RABGEF1: variants seen among roughly 807,000 people sequenced by gnomAD.
The protein encoded by RABGEF1 is rab5 GDP/GTP exchange factor.
A neutral mutation model predicts 57.3 loss-of-function variants in RABGEF1; 26 were observed. The observed-to-expected ratio is 0.45, with a 90% confidence interval of 0.33 to 0.63. The LOEUF is 0.63. RABGEF1 is among the 20% of genes least tolerant of loss of function. The probability of loss-of-function intolerance (pLI) is 0.02; values close to 1 mark genes in which losing one functional copy is unlikely to be tolerated. For missense variants in RABGEF1, 464 were observed against 607.6 expected (o/e 0.76, Z 2.48); for synonymous variants, 185 against 210.7 (o/e 0.88, Z 1.06).
intron 3 of RABGEF1, among the ~76,000 whole-genome samples, chr7:66,778,038 A>T (rs1808959800): frequency 6.6e-6 from 1 of 152,198 alleles, no homozygotes; most frequent in Non-Finnish European, 1.5e-5. Context: ...TGTTTCACAG[A>T]TCACTTAATA....
intron 1 of RABGEF1, among the ~76,000 whole-genome samples, chr7:66,766,710 CTTATTTATTTAT>C (rs59017193): frequency 2.0e-5 from 3 of 149,244 alleles, no homozygotes; most frequent in African/African-American, 4.9e-5. Flanking sequence ...ACTGTTACCT[CTTATTTATTTAT>C]TTATTTATTT....
intron 1 of RABGEF1, among the ~76,000 whole-genome samples, chr7:66,758,429 CAATTG>C (rs1407731957): frequency 6.6e-6 from 1 of 152,152 alleles, no homozygotes; most frequent in Non-Finnish European, 1.5e-5. Flanking sequence ...TAAGTGGGAC[CAATTG>C]AATTGTGCAT....
chr7:66,789,274 G>A (rs1811989494), intron 4 of RABGEF1, among the ~76,000 whole-genome samples: 1 of 152,134 alleles, frequency 6.6e-6, no homozygotes, highest in South Asian at 2.1e-4. Flanking sequence ...TTCAGCAGGG[G>A]TAGCAACCCA....
chr7:66,783,681 A>G lies in RABGEF1; in HGVS notation c.353A>G (p.Gln118Arg), dbSNP rs141323037. The G allele has an allele frequency of 1.3e-6, 2 of 1,595,198 alleles. No homozygotes were observed. The highest frequency in any genetic ancestry group is 1.4e-5 in the African/African-American group (1 of 74,068). The change falls in exon 4 of 9, where the codon CAG becomes CGG. Residue 118 changes from glutamine (Q) to arginine (R), a missense_variant. Gln to Arg is a conservative substitution (Grantham distance 43). This residue lies in a region of RABGEF1 where 284 missense variants were observed against 389.9 expected (regional missense o/e 0.73). Coordinates refer to ENST00000284957, the MANE Select transcript of RABGEF1 (RefSeq NM_014504.3). The stretch of plus-strand genomic sequence containing the variant: ...TGTTTAATTTTCCCAGCAGAAATTC[A>G]GGAAGCAAAAGCTCCCAGTCCTTCC... ...SSRVGSKKEI[Q>R]EAKAPSPSIN... is the part of the protein sequence containing the mutation.
intron 2 of RABGEF1, among the ~76,000 whole-genome samples, chr7:66,716,416 G>A (rs1368279072): frequency 6.6e-6 from 1 of 152,056 alleles, no homozygotes; most frequent in Non-Finnish European, 1.5e-5. Context: ...CCTGGGCAAC[G>A]TGACGAAAAC....
chr7:66,743,538 G>A (rs1156479432), intron 1 of RABGEF1, among the ~76,000 whole-genome samples: 3 of 151,952 alleles, frequency 2.0e-5, no homozygotes, highest in Admixed American at 6.6e-5. Flanking sequence ...ATCTGGCTCT[G>A]TCGCCCAGGC....
chr7:66,763,470 T>C (rs1034538937), intron 1 of RABGEF1, among the ~76,000 whole-genome samples: 3 of 152,252 alleles, frequency 2.0e-5, no homozygotes, highest in Non-Finnish European at 2.9e-5. Flanking sequence ...AATAGTGCTT[T>C]GACTCTCTCT....
chr7:66,658,972 T>G, the RABGEF1 span, among the ~76,000 whole-genome samples: 3 of 152,066 alleles, frequency 2.0e-5, no homozygotes, highest in South Asian at 2.1e-4. Context: ...CCTGACCTCA[T>G]GATCCGCCTG....
At chr7:66,790,342 C>G (rs1336336086) in intron 4 of RABGEF1, among the ~76,000 whole-genome samples, 3 of 152,102 alleles carry the variant, frequency 2.0e-5, no homozygotes, top group Admixed American at 6.6e-5. Context: ...GTCTTTTTTT[C>G]GTCTTTCTTC....
At chr7:66,764,940 C>T (rs1735647996) in intron 1 of RABGEF1, among the ~76,000 whole-genome samples, 1 of 152,162 alleles carries the variant, frequency 6.6e-6, no homozygotes, top group Admixed American at 6.5e-5. Context: ...CCATTCTGGG[C>T]CCTTGTTATC....
At chr7:66,713,491 C>T (rs1795017844) in intron 2 of RABGEF1, among the ~76,000 whole-genome samples, 1 of 152,146 alleles carries the variant, frequency 6.6e-6, no homozygotes, top group Non-Finnish European at 1.5e-5. Context: ...TTGATTCTTC[C>T]TCTTCTATCT....
intron 4 of RABGEF1, among the ~76,000 whole-genome samples, chr7:66,785,751 G>A (rs1233343709): frequency 6.6e-6 from 1 of 152,158 alleles, no homozygotes; most frequent in Non-Finnish European, 1.5e-5. Flanking sequence ...GCAGGCGCCT[G>A]TAGTCCCAGC....
chr7:66,694,414 AC>A (rs1792011001), intron 1 of RABGEF1, among the ~76,000 whole-genome samples: 1 of 151,750 alleles, frequency 6.6e-6, no homozygotes, highest in African/African-American at 2.4e-5. Flanking sequence ...GGAGTGATGA[AC>A]CCGGGGAGTT....
rs151276303 is a variant in RABGEF1 at position 66,730,378 on chromosome 7, C to A, written c.-814-9618C>A. ...CACCACTTAATCTACCACATAAAGGCATCTTAAACGGTAGGTTATTATTAT... is the reference window on the plus strand; with the variant it reads ...CACCACTTAATCTACCACATAAAGGAATCTTAAACGGTAGGTTATTATTAT... On this transcript the variant is annotated intron_variant and NMD_transcript_variant, in intron 2 of 9. Transcript: ENST00000607882. 1.1e-3 allele frequency among the ~76,000 whole-genome samples: 164 copies of A among 152,240 alleles called. No individual in the cohort carries two copies. The East Asian group carries it at 0.029, about 27-fold the overall frequency.
At chr7:66,799,883 GTTAT>G (rs771372165) in intron 7 of RABGEF1, among the ~76,000 whole-genome samples, 4 of 152,048 alleles carry the variant, frequency 2.6e-5, no homozygotes, top group Admixed American at 6.6e-5. Context: ...AGCGCTATGA[GTTAT>G]TTTTCTGGTT....
chr7:66,709,125 CT>C (rs1794484721), intron 1 of RABGEF1, among the ~76,000 whole-genome samples: 1 of 151,776 alleles, frequency 6.6e-6, no homozygotes, highest in Admixed American at 6.6e-5. Context: ...TCAAGCAATT[CT>C]CCTGCCCAAG....
chr7:66,794,041 C>G (rs1813394567), intron 4 of RABGEF1, among the ~76,000 whole-genome samples: 1 of 152,102 alleles, frequency 6.6e-6, no homozygotes, highest in African/African-American at 2.4e-5. Flanking sequence ...TTGCTTTCAT[C>G]TTTTGAACCC....
intron 1 of RABGEF1, among the ~76,000 whole-genome samples, chr7:66,756,700 A>G (rs910469342): frequency 6.6e-6 from 1 of 152,052 alleles, no homozygotes; most frequent in Non-Finnish European, 1.5e-5. Context: ...ACCTTAGATG[A>G]CACTCATCTC....
At chr7:66,733,056 T>C (rs1797526632) in intron 2 of RABGEF1, among the ~76,000 whole-genome samples, 1 of 152,154 alleles carries the variant, frequency 6.6e-6, no homozygotes, top group Admixed American at 6.6e-5. Context: ...CTTAGCCGCG[T>C]AGTCAAGGTT....
Sources: allele counts gnomAD v4.1 joint callset (sites outside exome capture counted in the v4.1 genomes callset), GRCh38; gene constraint gnomAD v4.1.1; regional missense constraint gnomAD v4.1.1; transcripts MANE v1.5; gene names NCBI Gene and HGNC (gene_info 2026-07-23, HGNC 2026-07-21).